ANXA8: variants seen among roughly 807,000 people sequenced by gnomAD.
ANXA8 encodes annexin A8.
Under a neutral mutation model 26.8 loss-of-function variants are expected in ANXA8, and 9 were observed. The ratio of observed to expected loss-of-function variants is 0.34; its 90% CI spans 0.20 to 0.59. The LOEUF (loss-of-function observed/expected upper bound fraction) is 0.59, where lower values mean the gene tolerates loss of function less well. ANXA8 is among the 20% of genes least tolerant of loss of function. The probability of loss-of-function intolerance (pLI) is 0.84; values close to 1 mark genes in which losing one functional copy is unlikely to be tolerated. For synonymous variants in ANXA8, 39 were observed against 94.8 expected, an observed-to-expected ratio of 0.41 and a Z score of 3.42; for missense variants, 83 against 238.5, an observed-to-expected ratio of 0.35 and a Z score of 4.29.
At chr10:47,623,461 A>G in the ANXA8 span, among the ~76,000 whole-genome samples, 2 of 111,810 alleles carry the variant, frequency 1.8e-5, 1 homozygote, top group African/African-American at 6.9e-5. Context: ...TTCTCATTCT[A>G]TGGTTTCCTT....
At chr10:47,748,467 C>T in the ANXA8 span, among the ~76,000 whole-genome samples, 14 of 152,016 alleles carry the variant, frequency 9.2e-5, no homozygotes, top group Non-Finnish European at 1.5e-4. Context: ...CTGGCCTTGG[C>T]CTCCCAAAGT....
the ANXA8 span, among the ~76,000 whole-genome samples, chr10:47,942,023 A>G: frequency 0.013 from 1,967 of 147,908 alleles, 103 homozygotes; most frequent in Non-Finnish European, 0.019. Context: ...CTTGCTATCT[A>G]TTAAATATTT....
Position 47,484,028 on chromosome 10 carries a change from G to T in ANXA8, c.-95C>A. ...CACGTCTGGCTCCTGCAGCTGAGGA[G>T]TGAGCAGGCCGCTCACTTGGGTGTG... On this transcript the variant is annotated 5_prime_UTR_variant, in exon 1 of 12. Coordinates refer to ENST00000585281, the MANE Select transcript of ANXA8 (RefSeq NM_001040084.3). 1 of 1,611,498 alleles carries T rather than the reference G, an allele frequency of 6.2e-7. No homozygotes were observed. The highest frequency in any genetic ancestry group is 8.5e-7 in the Non-Finnish European group (1 of 1,179,730).
the ANXA8 span, among the ~76,000 whole-genome samples, chr10:47,510,894 T>C: frequency 7.8e-6 from 1 of 128,128 alleles, no homozygotes; most frequent in Non-Finnish European, 1.6e-5. Flanking sequence ...TCTACAGCAA[T>C]AAAAAGCAGC....
At chr10:47,682,475 T>C in the ANXA8 span, among the ~76,000 whole-genome samples, 68 of 145,116 alleles carry the variant, frequency 4.7e-4, no homozygotes, top group South Asian at 8.7e-4. Context: ...TTTTCTTTTT[T>C]TTTTTTTTTT....
chr10:47,976,376 C>T, the ANXA8 span, among the ~76,000 whole-genome samples: 1 of 151,332 alleles, frequency 6.6e-6, no homozygotes, highest in Non-Finnish European at 1.5e-5. Flanking sequence ...TTGCCTTATT[C>T]GTAGTCTTCT....
the ANXA8 span, among the ~76,000 whole-genome samples, chr10:47,657,120 G>T: frequency 2.0e-5 from 3 of 151,042 alleles, no homozygotes; most frequent in Non-Finnish European, 4.4e-5. Flanking sequence ...ACCTTCCCAG[G>T]AATCAAAGAT....
At chr10:47,726,594 A>C in the ANXA8 span, among the ~76,000 whole-genome samples, 3 of 152,276 alleles carry the variant, frequency 2.0e-5, no homozygotes, top group African/African-American at 7.2e-5. Context: ...ATATATTTTT[A>C]TATTAGTATC....
At chr10:47,485,627 A>C (rs1840024325), upstream of ANXA8, among the ~76,000 whole-genome samples, 1 of 151,992 alleles carries the variant, frequency 6.6e-6, no homozygotes, top group Admixed American at 6.6e-5. Context: ...TTCCAGCAAG[A>C]GAAATAGGGG....
Position 47,473,965 on chromosome 10 carries a change from C to T in ANXA8, c.742+5G>A, listed in dbSNP as rs1275150104. ...CCTGAAAAACGTGCAAGTCTGAGCT[C>T]TTACCCACAGTGAGCATGGCCTCCT... On this transcript the variant is annotated splice_donor_5th_base_variant and intron_variant, in intron 9 of 11. Coordinates refer to ENST00000585281, the MANE Select transcript of ANXA8 (RefSeq NM_001040084.3). 1 of 490,532 alleles carries T rather than the reference C, an allele frequency of 2.0e-6. No individual in the cohort carries two copies. The highest frequency in any genetic ancestry group is 3.4e-6 in the Non-Finnish European group (1 of 293,850). 30.4% of individuals were successfully genotyped at this position (490,532 alleles called of 1,614,324 possible).
the ANXA8 span, among the ~76,000 whole-genome samples, chr10:47,616,207 CA>C: frequency 1.4e-5 from 1 of 69,862 alleles, no homozygotes; most frequent in African/African-American, 4.5e-5. Flanking sequence ...AGAATTGTAG[CA>C]GGAAGAATTA....
the ANXA8 span, among the ~76,000 whole-genome samples, chr10:47,743,249 T>TATATATATATAC: frequency 9.6e-6 from 1 of 104,148 alleles, no homozygotes; most frequent in Admixed American, 1.0e-4. Flanking sequence ...AGGCTTCATA[T>TATATATATATAC]ATATATATAT....
the ANXA8 span, chr10:47,565,919 G>T: frequency 2.9e-5 from 42 of 1,466,420 alleles, no homozygotes; most frequent in East Asian, 1.1e-3. Context: ...GATGGAGTTC[G>T]AGGAGGGCAT....
the ANXA8 span, among the ~76,000 whole-genome samples, chr10:47,612,864 C>T: frequency 1.4e-5 from 1 of 74,046 alleles, no homozygotes; most frequent in Admixed American, 1.4e-4. Context: ...GCCCCATCGA[C>T]CTTGGATTTC....
the ANXA8 span, among the ~76,000 whole-genome samples, chr10:47,694,717 C>T: frequency 1.3e-5 from 2 of 151,920 alleles, no homozygotes; most frequent in Non-Finnish European, 2.9e-5. Flanking sequence ...CCGCGCCCGG[C>T]CCATACTGAA....
chr10:47,570,751 T>C, the ANXA8 span, among the ~76,000 whole-genome samples: 1 of 150,440 alleles, frequency 6.6e-6, no homozygotes, highest in Non-Finnish European at 1.5e-5. Flanking sequence ...CTGGCCTAAG[T>C]GACAAAACAA....
chr10:47,694,732 T>C, the ANXA8 span, among the ~76,000 whole-genome samples: 2 of 151,996 alleles, frequency 1.3e-5, no homozygotes, highest in East Asian at 1.9e-4. Flanking sequence ...ACTGAAAAAT[T>C]TGAAGTAACA....
At position 47,483,985 on chromosome 10, in the gene ANXA8, G is replaced by C. The variant is rs2132439334; in HGVS notation, c.-52C>G. ...CAGGGAGATGAAGAGACACAGGTTG[G>C]CCTCTGCTGGGACTCCACACGTCTG... On this transcript the variant is annotated 5_prime_UTR_variant, in exon 1 of 12. Coordinates refer to ENST00000585281, the MANE Select transcript of ANXA8 (RefSeq NM_001040084.3). 2.5e-6 allele frequency: 4 copies of C among 1,611,664 alleles called. No individual in the cohort carries two copies. In the East Asian group the frequency reaches 6.7e-5, roughly 27 times the overall value.
At chr10:47,625,662 G>C in the ANXA8 span, among the ~76,000 whole-genome samples, 2 of 152,130 alleles carry the variant, frequency 1.3e-5, no homozygotes, top group Non-Finnish European at 2.9e-5. Context: ...TGAGCATCAG[G>C]TACATGAGCC....
Sources: allele counts gnomAD v4.1 joint callset (sites outside exome capture counted in the v4.1 genomes callset), GRCh38; gene constraint gnomAD v4.1.1; transcripts MANE v1.5; gene names NCBI Gene and HGNC (gene_info 2026-07-23, HGNC 2026-07-21).